PPM1H: variants seen among roughly 807,000 people sequenced by gnomAD.
PPM1H encodes protein phosphatase, Mg2+/Mn2+ dependent 1H.
Under a neutral mutation model 54.9 loss-of-function variants are expected in PPM1H, and 27 were observed. That is an observed-to-expected ratio of 0.49 (90% CI 0.36 to 0.68). The LOEUF is 0.68. Ranked by LOEUF, PPM1H falls within the 30% of genes least tolerant of loss-of-function variation. The pLI is 0.00. For synonymous variants in PPM1H, 305 were observed against 270.8 expected (o/e 1.13, Z -1.24); for missense variants, 596 against 667.8 (o/e 0.89, Z 1.19).
intron 1 of PPM1H, among the ~76,000 whole-genome samples, chr12:62,883,974 T>C (rs891655022): frequency 6.6e-6 from 1 of 151,892 alleles, no homozygotes; most frequent in Non-Finnish European, 1.5e-5. Context: ...ACAAGTCACC[T>C]GGAGAGGCCC....
intron 6 of PPM1H, among the ~76,000 whole-genome samples, chr12:62,694,892 C>A (rs141019193): frequency 0.012 from 1,811 of 152,300 alleles, 12 homozygotes; most frequent in South Asian, 0.026. Context: ...TTAACACTTA[C>A]GTGGCATACC....
In PPM1H at chr12:62,781,084, A is replaced by G. The variant is rs575211034; in HGVS notation, c.869+7142T>C. ...CCAGGGGCCCAACAATGACAGACGA[A>G]AAGTCCGCACGGGGGCATGTCTGAC... On this transcript the variant is annotated intron_variant, in intron 4 of 9. Coordinates refer to ENST00000228705, the MANE Select transcript of PPM1H (RefSeq NM_020700.2). Among the ~76,000 whole-genome samples, 6 of 152,338 alleles carry G rather than the reference A, an allele frequency of 3.9e-5. No homozygotes were observed. In the East Asian group the frequency reaches 1.2e-3, roughly 29 times the overall value.
intron 3 of PPM1H, among the ~76,000 whole-genome samples, chr12:62,797,108 T>G (rs1438974992): frequency 6.6e-6 from 1 of 152,054 alleles, no homozygotes; most frequent in African/African-American, 2.4e-5. Context: ...GACAAACAGA[T>G]GGAGACAGAC....
intron 4 of PPM1H, chr12:62,756,014 A>G (rs2076472363): frequency 3.5e-6 from 5 of 1,409,558 alleles, no homozygotes; most frequent in Non-Finnish European, 5.0e-6. Flanking sequence ...AAGGTGGTGA[A>G]GCAGGCGTCC....
chr12:62,705,526 A>T (rs1022299412), intron 6 of PPM1H, among the ~76,000 whole-genome samples: 29 of 152,182 alleles, frequency 1.9e-4, no homozygotes, highest in Admixed American at 9.2e-4. Context: ...CAGTATTTTT[A>T]AAAAAAGTAA....
chr12:62,838,908 G>A (rs1227549948), intron 1 of PPM1H, among the ~76,000 whole-genome samples: 2 of 70,852 alleles, frequency 2.8e-5, no homozygotes, highest in Admixed American at 4.0e-4. Context: ...GCGACAGAGC[G>A]AGACTCCGTC....
intron 4 of PPM1H, among the ~76,000 whole-genome samples, chr12:62,769,924 G>A (rs889133451): frequency 4.6e-5 from 7 of 152,270 alleles, no homozygotes; most frequent in East Asian, 3.9e-4. Context: ...GGGAATAGTC[G>A]ATTATCTATT....
At chr12:62,865,014 T>A (rs1235663637) in intron 1 of PPM1H, among the ~76,000 whole-genome samples, 1 of 152,150 alleles carries the variant, frequency 6.6e-6, no homozygotes, top group East Asian at 1.9e-4. Context: ...AAATGTCCAC[T>A]CCTCATTAGG....
intron 2 of PPM1H, among the ~76,000 whole-genome samples, chr12:62,829,778 C>T (rs1353922390): frequency 6.6e-6 from 1 of 152,204 alleles, no homozygotes; most frequent in Admixed American, 6.5e-5. Context: ...AAAGTCACCC[C>T]AGCTCCATTT....
At chr12:62,652,765 CTTTT>C (rs1364684458) in intron 9 of PPM1H, among the ~76,000 whole-genome samples, 1 of 152,040 alleles carries the variant, frequency 6.6e-6, no homozygotes, top group Non-Finnish European at 1.5e-5. Context: ...TTTAATTCAC[CTTTT>C]TTTGAGCCTG....
chr12:62,742,207 T>C (rs1260911710), intron 4 of PPM1H, among the ~76,000 whole-genome samples: 2 of 152,240 alleles, frequency 1.3e-5, no homozygotes, highest in Non-Finnish European at 2.9e-5. Context: ...TTTATTACTT[T>C]CTTAAATAGA....
chr12:62,904,130 G>A (rs1216098752), intron 1 of PPM1H, among the ~76,000 whole-genome samples: 6 of 152,052 alleles, frequency 3.9e-5, no homozygotes, highest in African/African-American at 1.4e-4. Context: ...AGATACCATT[G>A]AAGAAGCCTT....
At chr12:62,800,878 C>T (rs972323881) in intron 3 of PPM1H, among the ~76,000 whole-genome samples, 2 of 152,174 alleles carry the variant, frequency 1.3e-5, no homozygotes, top group African/African-American at 4.8e-5. Flanking sequence ...CAAGGGACAG[C>T]GAGAGCTGTG....
chr12:62,666,670 T>A (rs1352952770), intron 9 of PPM1H, among the ~76,000 whole-genome samples: 1 of 152,164 alleles, frequency 6.6e-6, no homozygotes, highest in African/African-American at 2.4e-5. Context: ...ACCACTTGTA[T>A]CTACGTTCAA....
At chr12:62,734,454 A>T (rs73312481) in intron 5 of PPM1H, among the ~76,000 whole-genome samples, 116 of 152,268 alleles carry the variant, frequency 7.6e-4, no homozygotes, top group African/African-American at 2.7e-3. Context: ...CTATCCCATT[A>T]CTGTTGAAGA....
intron 6 of PPM1H, among the ~76,000 whole-genome samples, chr12:62,701,813 C>T (rs1211813551): frequency 6.6e-6 from 1 of 152,162 alleles, no homozygotes; most frequent in African/African-American, 2.4e-5. Flanking sequence ...ACAAGTCTGG[C>T]GTTCTCTGCT....
intron 5 of PPM1H, among the ~76,000 whole-genome samples, chr12:62,731,031 C>T (rs1382107444): frequency 1.3e-5 from 2 of 152,270 alleles, no homozygotes; most frequent in East Asian, 3.9e-4. Context: ...GTAACAAGAA[C>T]CGAGCTTGTA....
intron 1 of PPM1H, among the ~76,000 whole-genome samples, chr12:62,888,873 G>C (rs1870684353): frequency 6.6e-6 from 1 of 152,170 alleles, no homozygotes; most frequent in Admixed American, 6.5e-5. Flanking sequence ...AGTGATGCAA[G>C]GTGACGAAGC....
At chr12:62,664,366 A>AT (rs1177430129) in intron 9 of PPM1H, among the ~76,000 whole-genome samples, 1 of 152,106 alleles carries the variant, frequency 6.6e-6, no homozygotes, top group Non-Finnish European at 1.5e-5. Context: ...TTTCATTATA[A>AT]TTTTTTCCTT....
Sources: allele counts gnomAD v4.1 joint callset (sites outside exome capture counted in the v4.1 genomes callset), GRCh38; gene constraint gnomAD v4.1.1; transcripts MANE v1.5; gene names NCBI Gene and HGNC (gene_info 2026-07-23, HGNC 2026-07-21).